TCF12: variants seen among roughly 807,000 people sequenced by gnomAD.
The protein encoded by TCF12 is transcription factor 12.
Under a neutral mutation model 86.0 loss-of-function variants are expected in TCF12, and 45 were observed. That is an observed-to-expected ratio of 0.52 (90% CI 0.41 to 0.67). The LOEUF (loss-of-function observed/expected upper bound fraction) is 0.67. Ranked by LOEUF, TCF12 falls within the 30% of genes least tolerant of loss-of-function variation. The pLI is 0.00. For synonymous variants in TCF12, 330 were observed against 299.6 expected, an observed-to-expected ratio of 1.10 and a Z score of -1.05; for missense variants, 881 against 859.9, an observed-to-expected ratio of 1.02 and a Z score of -0.31.
At chr15:57,158,627 A>G (rs764997539) in intron 5 of TCF12, among the ~76,000 whole-genome samples, 3 of 152,216 alleles carry the variant, frequency 2.0e-5, no homozygotes, top group Non-Finnish European at 4.4e-5. Flanking sequence ...CATCACAGGA[A>G]GCTGGTGCAA....
intron 4 of TCF12, among the ~76,000 whole-genome samples, chr15:57,074,608 A>G (rs1359761442): frequency 6.6e-6 from 1 of 152,178 alleles, no homozygotes; most frequent in African/African-American, 2.4e-5. Context: ...CCCAGGCTCA[A>G]GTGCCTCTCC....
chr15:56,928,539 A>G (rs1192513814), intron 3 of TCF12, among the ~76,000 whole-genome samples: 2 of 152,198 alleles, frequency 1.3e-5, no homozygotes, highest in Middle Eastern at 3.2e-3. Flanking sequence ...TTTTAGTGCC[A>G]TAAAATTGTG....
intron 3 of TCF12, among the ~76,000 whole-genome samples, chr15:56,987,441 A>G (rs1304689476): frequency 6.6e-6 from 1 of 152,118 alleles, no homozygotes; most frequent in Non-Finnish European, 1.5e-5. Flanking sequence ...AATGTTACTA[A>G]CAGAATCTGA....
chr15:57,035,207 C>A (rs1201696258), intron 3 of TCF12, among the ~76,000 whole-genome samples: 1 of 152,150 alleles, frequency 6.6e-6, no homozygotes, highest in African/African-American at 2.4e-5. Flanking sequence ...CAGTGAATGA[C>A]TTCGGGGTTT....
chr15:57,269,832 T>C (rs1567023898), intron 18 of TCF12, among the ~76,000 whole-genome samples: 1 of 152,198 alleles, frequency 6.6e-6, no homozygotes, highest in Non-Finnish European at 1.5e-5. Flanking sequence ...TTTGGCTGGA[T>C]ATGAAATTCT....
intron 5 of TCF12, among the ~76,000 whole-genome samples, chr15:57,103,802 C>T (rs540870085): frequency 2.5e-3 from 382 of 152,140 alleles, no homozygotes; most frequent in Non-Finnish European, 4.6e-3. Flanking sequence ...GTCAGGAGTT[C>T]GAGACCAGCC....
chr15:57,010,945 T>C (rs765207705), intron 3 of TCF12, among the ~76,000 whole-genome samples: 4 of 152,162 alleles, frequency 2.6e-5, no homozygotes, highest in East Asian at 1.9e-4. Context: ...AACTGAACTT[T>C]TAAAAATTTT....
At chr15:57,024,673 A>C (rs1228169739) in intron 3 of TCF12, among the ~76,000 whole-genome samples, 1 of 152,246 alleles carries the variant, frequency 6.6e-6, no homozygotes, top group African/African-American at 2.4e-5. Flanking sequence ...TGCAAAGAAA[A>C]TACCCAGAAT....
intron 3 of TCF12, among the ~76,000 whole-genome samples, chr15:56,967,070 C>A (rs1283234912): frequency 6.6e-6 from 1 of 152,066 alleles, no homozygotes; most frequent in Non-Finnish European, 1.5e-5. Flanking sequence ...TTCAGTGAGT[C>A]GAGATCGTGC....
intron 8 of TCF12, among the ~76,000 whole-genome samples, chr15:57,203,601 G>T (rs2057663345): frequency 6.6e-6 from 1 of 152,132 alleles, no homozygotes; most frequent in African/African-American, 2.4e-5. Flanking sequence ...TACAAGTTTT[G>T]AATGTAACTT....
chr15:56,961,826 T>C (rs1404219040), intron 3 of TCF12, among the ~76,000 whole-genome samples: 1 of 152,124 alleles, frequency 6.6e-6, no homozygotes, highest in African/African-American at 2.4e-5. Flanking sequence ...TATATGCTTG[T>C]GTACACTAGG....
At chr15:56,975,062 T>C (rs1337964649) in intron 3 of TCF12, among the ~76,000 whole-genome samples, 2 of 152,172 alleles carry the variant, frequency 1.3e-5, no homozygotes, top group African/African-American at 4.8e-5. Context: ...TTTTCTTTAA[T>C]GAAAACATTT....
chr15:57,189,870 G>A (rs915479482), intron 6 of TCF12, among the ~76,000 whole-genome samples: 2 of 152,188 alleles, frequency 1.3e-5, no homozygotes, highest in Non-Finnish European at 2.9e-5. Flanking sequence ...ACAGTTTGTG[G>A]TATAGCCATA....
chr15:57,145,605 G>A (rs1286291653), intron 5 of TCF12, among the ~76,000 whole-genome samples: 1 of 151,476 alleles, frequency 6.6e-6, no homozygotes, highest in Non-Finnish European at 1.5e-5. Context: ...TAGAATCTTA[G>A]CTGTTCATTT....
intron 5 of TCF12, among the ~76,000 whole-genome samples, chr15:57,126,851 C>T (rs1390986646): frequency 2.6e-5 from 4 of 152,120 alleles, no homozygotes; most frequent in South Asian, 2.1e-4. Context: ...TTGTAATTGG[C>T]CATAATTTTA....
At chr15:57,142,824 G>T (rs764171882) in intron 5 of TCF12, among the ~76,000 whole-genome samples, 2 of 152,016 alleles carry the variant, frequency 1.3e-5, no homozygotes, top group Non-Finnish European at 2.9e-5. Context: ...TCATTTCTGT[G>T]TTACTCTTTC....
chr15:57,065,539 T>G (rs936739203), intron 4 of TCF12, among the ~76,000 whole-genome samples: 1 of 152,174 alleles, frequency 6.6e-6, no homozygotes, highest in Non-Finnish European at 1.5e-5. Context: ...TGAGTTACTT[T>G]GTAATAACTT....
chr15:57,221,169 A>G (rs1186719599), intron 8 of TCF12, among the ~76,000 whole-genome samples: 10 of 152,194 alleles, frequency 6.6e-5, no homozygotes, highest in Non-Finnish European at 1.5e-4. Context: ...TAAGCAAGTC[A>G]AAATATCTTT....
At chr15:57,045,873 A>G (rs528064599) in intron 3 of TCF12, among the ~76,000 whole-genome samples, 6 of 152,062 alleles carry the variant, frequency 3.9e-5, no homozygotes, top group Non-Finnish European at 8.8e-5. Context: ...TACAGAGGCT[A>G]TTAGCTCCGG....
Sources: allele counts gnomAD v4.1 joint callset (sites outside exome capture counted in the v4.1 genomes callset), GRCh38; gene constraint gnomAD v4.1.1; transcripts MANE v1.5; gene names NCBI Gene and HGNC (gene_info 2026-07-23, HGNC 2026-07-21).